The following TJP1 variants were observed in gnomAD, a reference collection of about 807,000 sequenced individuals.
TJP1 encodes the protein tight junction protein 1.
TJP1 carries 43 observed loss-of-function variants against 194.2 expected under a neutral mutation model. The ratio of observed to expected loss-of-function variants is 0.22; its 90% CI spans 0.17 to 0.29. The LOEUF is 0.29. TJP1 is among the 10% of genes least tolerant of loss of function. The pLI, the probability that TJP1 is intolerant of heterozygous loss-of-function variation, is 1.00. For synonymous variants in TJP1, 801 were observed against 779.0 expected, an observed-to-expected ratio of 1.03 and a Z score of -0.47; for missense variants, 1,971 against 2,185.7, an observed-to-expected ratio of 0.90 and a Z score of 1.96.
chr15:29,939,022 T>A (rs1210922313), intron 2 of TJP1, among the ~76,000 whole-genome samples: 1 of 152,224 alleles, frequency 6.6e-6, no homozygotes, highest in Non-Finnish European at 1.5e-5. Context: ...GGATACCATC[T>A]ACTAAGCAGA....
intron 18 of TJP1, 59 bp from the exon 19 acceptor site, chr15:29,720,767 T>C: frequency 7.5e-7 from 1 of 1,340,352 alleles, no homozygotes; most frequent in East Asian, 2.3e-5. Context: ...GAGATGGCCT[T>C]TATCGTACAA....
At chr15:29,846,692 G>A (rs772640178) in intron 2 of TJP1, among the ~76,000 whole-genome samples, 4 of 152,078 alleles carry the variant, frequency 2.6e-5, no homozygotes, top group South Asian at 2.1e-4. Flanking sequence ...TTGGGAGGCC[G>A]AGGCGGGCGG....
At chr15:29,917,219 G>A (rs1000856615) in intron 2 of TJP1, among the ~76,000 whole-genome samples, 1 of 152,184 alleles carries the variant, frequency 6.6e-6, no homozygotes, top group Non-Finnish European at 1.5e-5. Context: ...CAGCTCCTAG[G>A]TGGTGGCTGC....
At chr15:29,757,542 T>C (rs1179122759) in intron 8 of TJP1, among the ~76,000 whole-genome samples, 3 of 152,188 alleles carry the variant, frequency 2.0e-5, no homozygotes, top group Admixed American at 1.3e-4. Flanking sequence ...ATGCTCTAAA[T>C]TAAAACTCCA....
rs137934550 is a variant in TJP1 at position 29,768,627 on chromosome 15, G to C, written c.313-2085C>G. On this transcript the variant is annotated intron_variant, in intron 4 of 27. Coordinates refer to ENST00000614355, the MANE Select transcript of TJP1 (RefSeq NM_001330239.4). ...ATACCTATCCAGCCCACTAAGATTT[G>C]AGTTTTTTGAGAAGTTCCTTACCAT... Among the ~76,000 whole-genome samples, 80 of 152,128 alleles carry C rather than the reference G, an allele frequency of 5.3e-4. 4 individuals are homozygous for C. Among genetic ancestry groups the C allele is most frequent in the African/African-American group, 1.9e-3 (78 of 41,526 alleles).
intron 15 of TJP1, among the ~76,000 whole-genome samples, chr15:29,731,969 G>A (rs1350174881): frequency 3.3e-5 from 5 of 152,058 alleles, no homozygotes; most frequent in African/African-American, 1.2e-4. Flanking sequence ...TTAACTATTT[G>A]TGTATTTGTC....
In TJP1 at chr15:29,708,861, A is replaced by T. The variant is rs1160758787; in HGVS notation, c.4548T>A (p.Thr1516=). 6.2e-7 allele frequency: 1 copy of T among 1,614,008 alleles called. No homozygotes were observed. Among genetic ancestry groups the T allele is most frequent in the Admixed American group, 1.7e-5 (1 of 60,018 alleles). Residue 1516 remains threonine (T), a synonymous_variant, in exon 25 of 28, where the codon ACT becomes ACA. Coordinates refer to ENST00000614355, the MANE Select transcript of TJP1 (RefSeq NM_001330239.4). The part of the protein sequence containing the change: ...DKAPVNGTEQ[T]QKTVTPAYNR... ...TGTATGCTGGAGTGACTGTTTTCTG[A>T]GTCTGTTCAGTTCCATTAACTGGGG...
At chr15:29,938,723 T>C (rs1227858393) in intron 2 of TJP1, among the ~76,000 whole-genome samples, 2 of 152,212 alleles carry the variant, frequency 1.3e-5, no homozygotes, top group Non-Finnish European at 2.9e-5. Context: ...GAAAATAACT[T>C]TAAATTGGAA....
chr15:29,777,027 A>AC (rs143354881), intron 2 of TJP1, among the ~76,000 whole-genome samples: 2,256 of 150,862 alleles, frequency 0.015, 70 homozygotes, highest in East Asian at 0.13. Flanking sequence ...CCTGCCTTCC[A>AC]CCCCCCCCAC....
At chr15:29,786,934 T>C (rs1326530689) in intron 2 of TJP1, among the ~76,000 whole-genome samples, 2 of 152,194 alleles carry the variant, frequency 1.3e-5, no homozygotes, top group African/African-American at 2.4e-5. Flanking sequence ...TTACTTCACA[T>C]GGTTAACACC....
At chr15:29,840,969 T>A (rs2051203624) in intron 2 of TJP1, among the ~76,000 whole-genome samples, 1 of 152,190 alleles carries the variant, frequency 6.6e-6, no homozygotes, top group African/African-American at 2.4e-5. Flanking sequence ...TGTGGCTATC[T>A]GAAATTGCAA....
intron 24 of TJP1, 129 bp downstream of exon 24, chr15:29,710,702 T>G: frequency 8.5e-7 from 1 of 1,183,268 alleles, no homozygotes; most frequent in South Asian, 1.5e-5. Flanking sequence ...AATTCTTAGT[T>G]TTTACTGTTC....
rs535786943 is a variant in TJP1 at position 29,808,530 on chromosome 15, T to C, written c.28-7828A>G. 3.9e-5 allele frequency among the ~76,000 whole-genome samples: 6 copies of C among 152,316 alleles called. No individual in the cohort carries two copies. In the South Asian group the frequency reaches 1.2e-3, roughly 32 times the overall value. On this transcript the variant is annotated intron_variant, in intron 1 of 27. Coordinates refer to ENST00000614355, the MANE Select transcript of TJP1 (RefSeq NM_001330239.4). ...TAAAGTAACCTGACAGAACTGTAAG[T>C]AATTTGACTGCAATGGATTAAAATA...
At chr15:29,963,028 C>G (rs1185104072) in intron 1 of TJP1, among the ~76,000 whole-genome samples, 1 of 152,144 alleles carries the variant, frequency 6.6e-6, no homozygotes, top group Admixed American at 6.5e-5. Flanking sequence ...GTAATCCCAG[C>G]TACTTAGGAG....
chr15:29,735,722 G>C (rs1401810391), intron 11 of TJP1, among the ~76,000 whole-genome samples: 1 of 152,012 alleles, frequency 6.6e-6, no homozygotes. Context: ...TATACATGTT[G>C]TATTTAAATG....
intron 2 of TJP1, among the ~76,000 whole-genome samples, chr15:29,918,097 T>G (rs1471607890): frequency 6.6e-6 from 1 of 152,228 alleles, no homozygotes; most frequent in Non-Finnish European, 1.5e-5. Flanking sequence ...CTTTTATGAC[T>G]GACTCACTTC....
intron 2 of TJP1, among the ~76,000 whole-genome samples, chr15:29,773,923 T>A (rs1052735246): frequency 6.6e-6 from 1 of 152,184 alleles, no homozygotes; most frequent in African/African-American, 2.4e-5. Flanking sequence ...ATTACCTTTT[T>A]AAAAAACTAA....
chr15:29,800,746 A>G, intron 1 of TJP1, 44 bp from the exon 2 acceptor site: 3 of 1,594,724 alleles, frequency 1.9e-6, no homozygotes, highest in Non-Finnish European at 2.6e-6. Context: ...TTTTAAGAAA[A>G]TGTCCTTAAT....
intron 11 of TJP1, 66 bp from the exon 12 acceptor site, chr15:29,734,448 C>T (rs1160045565): frequency 5.3e-6 from 6 of 1,128,876 alleles, no homozygotes; most frequent in Non-Finnish European, 7.8e-6. Context: ...ATACGCAGGA[C>T]ACAGATACTC....
Sources: gnomAD v4.1 joint callset for allele counts (sites outside exome capture counted in the v4.1 genomes callset) on GRCh38, gnomAD v4.1.1 for gene constraint, MANE v1.5 for transcripts, NCBI Gene and HGNC (gene_info 2026-07-23, HGNC 2026-07-21) for gene names.